Variants in IQCE observed in about 807,000 individuals in gnomAD.
IQCE encodes the protein IQ domain-containing protein E.
Under a neutral mutation model 96.0 loss-of-function variants are expected in IQCE, and 115 were observed. That is an observed-to-expected ratio of 1.20 (90% CI 1.03 to 1.40). IQCE has a LOEUF of 1.40. IQCE is among the 40% of genes most tolerant of loss of function. The probability of loss-of-function intolerance (pLI) is 0.00; values close to 1 mark genes in which losing one functional copy is unlikely to be tolerated. For missense variants in IQCE, 1,041 were observed against 909.1 expected (o/e 1.15, Z -1.87); for synonymous variants, 412 against 371.2 (o/e 1.11, Z -1.26).
At chr7:2,604,754 T>C in intron 18 of IQCE, 127 bp from the exon 19 acceptor site, 1 of 656,500 alleles carries the variant, frequency 1.5e-6, no homozygotes, top group Non-Finnish European at 2.7e-6. Flanking sequence ...AGAACGTGGC[T>C]GCACAGCAGT....
chr7:2,578,664 T>A lies in IQCE; in HGVS notation c.630+138T>A. The A allele has an allele frequency of 6.8e-6, 6 of 884,338 alleles. No homozygotes were observed. The South Asian group carries it at 9.2e-5, about 14-fold the overall frequency. The allele number at this position is 884,338 out of a possible 1,614,324, so 54.8% of individuals were successfully genotyped here. On this transcript the variant is annotated intron_variant, in intron 8 of 21. Coordinates refer to ENST00000402050, the MANE Select transcript of IQCE (RefSeq NM_152558.5). ...GGGAGGCTGCGGACCCCCAAACCCT[T>A]CTCCACTGACACCTGGGGACACCAC...
Position 2,585,009 on chromosome 7 carries a change from A to G in IQCE, c.824+724A>G, listed in dbSNP as rs79555459. ...GAGCGAATACTAAACCACTGCTCCA[A>G]TGGGAGGTACAGGGCTCCTGCGAGC... is the stretch of plus-strand genomic sequence containing the variant. On this transcript the variant is annotated intron_variant, in intron 11 of 21. Coordinates refer to ENST00000402050, the MANE Select transcript of IQCE (RefSeq NM_152558.5). Among the ~76,000 whole-genome samples, 1,162 of 151,726 alleles carry G rather than the reference A, an allele frequency of 7.7e-3. 10 individuals are homozygous for G. The highest frequency in any genetic ancestry group is 0.012 in the Non-Finnish European group (825 of 67,972).
chr7:2,559,694 C>A (rs1334973168), intron 1 of IQCE, among the ~76,000 whole-genome samples: 1 of 132,532 alleles, frequency 7.5e-6, no homozygotes, highest in South Asian at 2.4e-4. Flanking sequence ...GGTGCATGAG[C>A]CTTAGGTTAG....
At chr7:2,593,242 A>G (rs1783754012) in intron 15 of IQCE, 116 bp downstream of exon 15, 12 of 1,404,350 alleles carry the variant, frequency 8.5e-6, no homozygotes, top group South Asian at 3.1e-5. Context: ...GAAAGGCCAC[A>G]CCTCCTCACA....
At chr7:2,587,994 C>T (rs1233620346) in intron 13 of IQCE, 117 bp downstream of exon 13, 15 of 957,540 alleles carry the variant, frequency 1.6e-5, no homozygotes, top group East Asian at 4.9e-5. Flanking sequence ...TGCCAGGCAG[C>T]GCCACACACA....
At chr7:2,570,543 C>T (rs139643301) in intron 3 of IQCE, among the ~76,000 whole-genome samples, 15 of 151,694 alleles carry the variant, frequency 9.9e-5, no homozygotes, top group Non-Finnish European at 1.9e-4. Context: ...GTTACGGTGG[C>T]GAATTTCACA....
chr7:2,571,381 C>T (rs560067923), intron 3 of IQCE, 145 bp from the exon 4 acceptor site: 1 of 984,706 alleles, frequency 1.0e-6, no homozygotes, highest in South Asian at 1.4e-5. Context: ...GGTAAAGTAA[C>T]TCTTTTTTCA....
chr7:2,576,962 G>C (rs1284035191), intron 6 of IQCE, among the ~76,000 whole-genome samples: 4 of 152,166 alleles, frequency 2.6e-5, no homozygotes, highest in Non-Finnish European at 2.9e-5. Flanking sequence ...GCATTCCGTG[G>C]GACGGGGTTT....
At chr7:2,593,212 T>C in intron 15 of IQCE, 86 bp downstream of exon 15, 2 of 1,492,454 alleles carry the variant, frequency 1.3e-6, no homozygotes, top group East Asian at 2.3e-5. Flanking sequence ...GTCTCAGCCT[T>C]GCTGCCAGCC....
intron 17 of IQCE, among the ~76,000 whole-genome samples, chr7:2,599,270 C>T (rs892826563): frequency 6.6e-6 from 1 of 152,076 alleles, no homozygotes; most frequent in African/African-American, 2.4e-5. Flanking sequence ...GATCTTGGCT[C>T]ACTCCAACCT....
chr7:2,597,495 C>T (rs760392139), intron 16 of IQCE, among the ~76,000 whole-genome samples: 5 of 152,348 alleles, frequency 3.3e-5, no homozygotes, highest in African/African-American at 4.8e-5. Context: ...CTGCGCCTGG[C>T]GCCTGGCCCG....
chr7:2,593,202 G>A (rs773262561), intron 15 of IQCE, 76 bp downstream of exon 15: 187 of 1,505,332 alleles, frequency 1.2e-4, no homozygotes, highest in Non-Finnish European at 1.6e-4. Flanking sequence ...CCCCCGTGGC[G>A]TCTCAGCCTT....
chr7:2,600,864 G>A (rs973442300), intron 17 of IQCE, among the ~76,000 whole-genome samples: 10 of 152,214 alleles, frequency 6.6e-5, no homozygotes, highest in African/African-American at 2.4e-4. Context: ...AAGAACACAT[G>A]CTCCGAGGGA....
chr7:2,570,787 G>A (rs1781699896), intron 3 of IQCE, among the ~76,000 whole-genome samples: 1 of 152,006 alleles, frequency 6.6e-6, no homozygotes, highest in Admixed American at 6.6e-5. Flanking sequence ...AGAATGCCCT[G>A]AAACAGTAAG....
Position 2,614,626 on chromosome 7 carries a change from A to G in IQCE, c.*4464A>G, listed in dbSNP as rs949121536. On this transcript the variant is annotated 3_prime_UTR_variant, in exon 22 of 22. Transcript: ENST00000402050. ...ATTTAGAATTATTCTAACTTTATAC[A>G]TAATGTATAGGCCGATCTTTTGGAA... 4 of 152,238 alleles carry G rather than the reference A, an allele frequency of 2.6e-5. No homozygotes were observed. The highest frequency in any genetic ancestry group is 9.6e-5 in the African/African-American group (4 of 41,464). The allele number at this position is 152,238 out of a possible 1,614,324, so 9.4% of individuals were successfully genotyped here.
At chr7:2,575,467 T>G (rs1782049294) in intron 6 of IQCE, among the ~76,000 whole-genome samples, 1 of 152,244 alleles carries the variant, frequency 6.6e-6, no homozygotes, top group Admixed American at 6.5e-5. Flanking sequence ...CCTTTGCTGA[T>G]GCAGGGATGG....
chr7:2,563,510 G>C (rs1781130375), intron 1 of IQCE, among the ~76,000 whole-genome samples: 1 of 151,946 alleles, frequency 6.6e-6, no homozygotes, highest in Non-Finnish European at 1.5e-5. Flanking sequence ...GCCCGGCCCT[G>C]CTTTTGTTTT....
intron 8 of IQCE, among the ~76,000 whole-genome samples, chr7:2,580,847 C>A (rs1473366637): frequency 6.6e-6 from 1 of 152,140 alleles, no homozygotes; most frequent in South Asian, 2.1e-4. Flanking sequence ...CTGAGGGGCA[C>A]GCAAGCGGAA....
intron 13 of IQCE, among the ~76,000 whole-genome samples, chr7:2,588,527 G>GT (rs1489194069): frequency 2.0e-5 from 3 of 149,666 alleles, no homozygotes; most frequent in Non-Finnish European, 4.4e-5. Flanking sequence ...GTAATTTTTT[G>GT]TATTTTTAGT....
Sources: gnomAD v4.1 joint callset for allele counts (sites outside exome capture counted in the v4.1 genomes callset) on GRCh38, gnomAD v4.1.1 for gene constraint, MANE v1.5 for transcripts, NCBI Gene and HGNC (gene_info 2026-07-23, HGNC 2026-07-21) for gene names.